CSMD1: variants seen among roughly 807,000 people sequenced by gnomAD.
The protein encoded by CSMD1 is CUB and Sushi multiple domains 1.
CSMD1 carries 213 observed loss-of-function variants against 417.5 expected under a neutral mutation model. The observed-to-expected ratio is 0.51, with a 90% confidence interval of 0.46 to 0.57. CSMD1 has a LOEUF of 0.57. Among genes scored for constraint, CSMD1 ranks in the 20% least tolerant of loss-of-function variants. The probability of loss-of-function intolerance (pLI) is 0.00; values close to 1 mark genes in which losing one functional copy is unlikely to be tolerated. For missense variants in CSMD1, 6,923 were observed against 4,529.7 expected (o/e 1.53, Z -15.17); for synonymous variants, 2,862 against 1,736.8 (o/e 1.65, Z -16.11).
At chr8:3,393,070 C>A (rs187423174) in intron 17 of CSMD1, among the ~76,000 whole-genome samples, 1 of 152,144 alleles carries the variant, frequency 6.6e-6, no homozygotes, top group African/African-American at 2.4e-5. Flanking sequence ...AAATACACAG[C>A]GACTGATACA....
intron 4 of CSMD1, among the ~76,000 whole-genome samples, chr8:4,021,942 A>C (rs796585147): frequency 3.3e-5 from 5 of 151,942 alleles, no homozygotes; most frequent in African/African-American, 1.2e-4. Flanking sequence ...TTTGATCTTT[A>C]TTTTTTTCAA....
chr8:4,314,074 T>C (rs1340778691), intron 3 of CSMD1, among the ~76,000 whole-genome samples: 2 of 151,834 alleles, frequency 1.3e-5, no homozygotes, highest in Non-Finnish European at 2.9e-5. Flanking sequence ...ACTTGCTTTC[T>C]TTCTGTGTCC....
intron 3 of CSMD1, among the ~76,000 whole-genome samples, chr8:4,178,738 G>A (rs559979251): frequency 1.2e-4 from 19 of 152,180 alleles, no homozygotes; most frequent in East Asian, 3.9e-4. Flanking sequence ...CAAAGTCTCA[G>A]GATACAAAAT....
At chr8:4,211,876 T>C in intron 3 of CSMD1, among the ~76,000 whole-genome samples, 1 of 152,188 alleles carries the variant, frequency 6.6e-6, no homozygotes, top group Non-Finnish European at 1.5e-5. Flanking sequence ...TAACCCAACA[T>C]CATATCTACA....
intron 6 of CSMD1, among the ~76,000 whole-genome samples, chr8:3,717,263 T>C (rs536009401): frequency 6.6e-6 from 1 of 152,330 alleles, no homozygotes; most frequent in African/African-American, 2.4e-5. Flanking sequence ...AATTCAGATT[T>C]TGATTAATCA....
In CSMD1 at chr8:3,686,091, G is replaced by A. The variant is rs532313560; in HGVS notation, c.1009+22323C>T. ...TCTTATCAGCCTCTGATAACCATCA[G>A]AAGGGTCAGTTTTCTATGTTTATCA... On this transcript the variant is annotated intron_variant, in intron 7 of 69. Coordinates refer to ENST00000635120, the MANE Select transcript of CSMD1 (RefSeq NM_033225.6). Among the ~76,000 whole-genome samples, 170 of 20,374 alleles carry A rather than the reference G, an allele frequency of 8.3e-3. No individual in the cohort carries two copies. The East Asian group carries it at 0.1, about 12-fold the overall frequency. 13.4% of individuals were successfully genotyped at this position (20,374 alleles called of 152,430 possible). A position where few individuals can be genotyped will look rare whatever the true frequency, so the allele number is the denominator to read the frequency against.
At chr8:3,495,532 C>A (rs1439387434) in intron 10 of CSMD1, among the ~76,000 whole-genome samples, 1 of 152,210 alleles carries the variant, frequency 6.6e-6, no homozygotes, top group African/African-American at 2.4e-5. Context: ...TCTCAACAAT[C>A]AGCAGGTCCT....
intron 26 of CSMD1, among the ~76,000 whole-genome samples, chr8:3,242,587 G>C (rs1799609598): frequency 6.6e-6 from 1 of 152,092 alleles, no homozygotes; most frequent in South Asian, 2.1e-4. Context: ...GGGTCAAGCG[G>C]CATTGCAGAG....
intron 4 of CSMD1, among the ~76,000 whole-genome samples, chr8:3,998,374 A>T (rs1278670853): frequency 6.6e-6 from 1 of 152,196 alleles, no homozygotes; most frequent in Non-Finnish European, 1.5e-5. Context: ...TGGAAAGTGT[A>T]GTTGCCATGT....
chr8:3,793,529 T>A (rs1046032325), intron 5 of CSMD1, among the ~76,000 whole-genome samples: 9 of 147,984 alleles, frequency 6.1e-5, no homozygotes, highest in Admixed American at 5.5e-4. Context: ...CTGGATTCGA[T>A]CTCTGGGCTT....
intron 52 of CSMD1, among the ~76,000 whole-genome samples, chr8:3,010,714 A>G (rs1047958412): frequency 4.0e-5 from 6 of 149,340 alleles, no homozygotes; most frequent in Non-Finnish European, 7.4e-5. Flanking sequence ...TAATGTGCCT[A>G]TATTTCCCTT....
chr8:4,639,348 G>C (rs745457827), intron 1 of CSMD1, among the ~76,000 whole-genome samples: 20 of 149,150 alleles, frequency 1.3e-4, no homozygotes, highest in South Asian at 1.1e-3. Flanking sequence ...AGGAGCCAAA[G>C]CTGAAAACGG....
intron 23 of CSMD1, among the ~76,000 whole-genome samples, chr8:3,310,108 G>GGTA (rs1276007012): frequency 1.3e-5 from 2 of 152,192 alleles, no homozygotes; most frequent in African/African-American, 4.8e-5. Context: ...ACAAAGGGGA[G>GGTA]GTAGAAATTA....
intron 2 of CSMD1, among the ~76,000 whole-genome samples, chr8:4,448,684 A>G (rs1181037859): frequency 6.6e-6 from 1 of 152,212 alleles, no homozygotes; most frequent in Non-Finnish European, 1.5e-5. Flanking sequence ...TCAGTAGGAA[A>G]GGTCATATAT....
chr8:4,266,531 T>C lies in CSMD1; in HGVS notation c.415+153422A>G, dbSNP rs112041382. 6.3e-3 allele frequency among the ~76,000 whole-genome samples: 664 copies of C among 105,064 alleles called. 113 individuals carry two copies. The highest frequency in any genetic ancestry group is 0.016 in the African/African-American group (632 of 38,534). 68.9% of individuals were successfully genotyped at this position (105,064 alleles called of 152,430 possible). A position where few individuals can be genotyped will look rare whatever the true frequency, so the allele number is the denominator to read the frequency against. ...AATTTTAAAAAGTAGAACAATTTCA[T>C]ACTCATGCCTCATATCCTTCCTTCA... On this transcript the variant is annotated intron_variant, in intron 3 of 69. Coordinates refer to ENST00000635120, the MANE Select transcript of CSMD1 (RefSeq NM_033225.6).
At position 3,009,691 on chromosome 8, in the gene CSMD1, C is replaced by G. The variant is rs144606763; in HGVS notation, c.8029+8786G>C. ...GTGCAATCTCTAGGGGCAATGCTGA[C>G]CGACTTAGCCCATGCATAGATATGC... is the stretch of plus-strand genomic sequence containing the variant. On this transcript the variant is annotated intron_variant, in intron 52 of 69. Transcript: ENST00000635120. 5.5e-3 allele frequency among the ~76,000 whole-genome samples: 835 copies of G among 152,154 alleles called. 6 individuals carry two copies. Among genetic ancestry groups the G allele is most frequent in the African/African-American group, 0.019 (788 of 41,512 alleles).
chr8:4,829,306 C>A (rs1359643137), intron 1 of CSMD1, among the ~76,000 whole-genome samples: 1 of 152,126 alleles, frequency 6.6e-6, no homozygotes, highest in East Asian at 1.9e-4. Context: ...TCCCATCAAA[C>A]CATTATATTA....
intron 5 of CSMD1, among the ~76,000 whole-genome samples, chr8:3,862,496 T>G (rs376536795): frequency 3.4e-4 from 52 of 152,328 alleles, no homozygotes; most frequent in African/African-American, 1.2e-3. Context: ...AAAGTTCGCC[T>G]TTCCCAGACC....
At chr8:3,930,216 C>A (rs1834569) in intron 5 of CSMD1, among the ~76,000 whole-genome samples, 96,751 of 149,538 alleles carry the variant, frequency 0.65, 33,212 homozygotes, top group African/African-American at 0.74. Flanking sequence ...CTATACGTGA[C>A]AAGTAAAGTA....
Sources: allele counts gnomAD v4.1 joint callset (sites outside exome capture counted in the v4.1 genomes callset), GRCh38; gene constraint gnomAD v4.1.1; transcripts MANE v1.5; gene names NCBI Gene and HGNC (gene_info 2026-07-23, HGNC 2026-07-21).